Variants in SYNPR observed in about 807,000 individuals in gnomAD.
SYNPR encodes the protein synaptoporin.
In SYNPR, 23 loss-of-function variants were observed where a neutral mutation model predicts 32.9. The ratio of observed to expected loss-of-function variants is 0.70; its 90% CI spans 0.50 to 0.99. SYNPR has a LOEUF of 0.99. Among genes scored for constraint, SYNPR ranks in the 50% least tolerant of loss-of-function variants. The pLI, the probability that SYNPR is intolerant of heterozygous loss-of-function variation, is 0.00. For missense variants in SYNPR, 318 were observed against 349.3 expected (o/e 0.91, Z 0.71); for synonymous variants, 146 against 135.9 (o/e 1.07, Z -0.52).
intron 2 of SYNPR, among the ~76,000 whole-genome samples, chr3:63,417,479 C>A (rs1035078459): frequency 6.6e-6 from 1 of 152,232 alleles, no homozygotes; most frequent in Non-Finnish European, 1.5e-5. Flanking sequence ...AAGGCAGTGG[C>A]CCTCTTCTCA....
intron 2 of SYNPR, among the ~76,000 whole-genome samples, chr3:63,444,953 G>GA (rs34476623): frequency 0.33 from 47,844 of 143,616 alleles, 8,618 homozygotes; most frequent in Non-Finnish European, 0.41. Flanking sequence ...TAATTTGTTG[G>GA]AAAAAAAACA....
chr3:63,331,503 A>G (rs1407940908), intron 2 of SYNPR, among the ~76,000 whole-genome samples: 5 of 152,178 alleles, frequency 3.3e-5, no homozygotes, highest in Non-Finnish European at 5.9e-5. Context: ...AAGGAAGAGT[A>G]GTAATATACC....
chr3:63,489,992 A>G lies in SYNPR; in HGVS notation c.209+9036A>G, dbSNP rs191740664. On this transcript the variant is annotated intron_variant, in intron 3 of 5. Coordinates refer to ENST00000478300, the MANE Select transcript of SYNPR (RefSeq NM_001130003.2). ...AAAGAGGCAGGGATGCAATCCCAGT[A>G]GGTATCAGGTAATGGTAAAAGTCTT... 3.0e-3 allele frequency among the ~76,000 whole-genome samples: 451 copies of G among 152,304 alleles called. 5 individuals are homozygous for G. The highest frequency in any genetic ancestry group is 0.017 in the Middle Eastern group (5 of 294).
intron 2 of SYNPR, among the ~76,000 whole-genome samples, chr3:63,266,761 G>T (rs944327034): frequency 6.6e-6 from 1 of 150,954 alleles, no homozygotes. Context: ...TGTAGCATCC[G>T]CATGTGTCTC....
intron 2 of SYNPR, among the ~76,000 whole-genome samples, chr3:63,322,819 A>T (rs1309894547): frequency 6.6e-6 from 1 of 152,112 alleles, no homozygotes; most frequent in Non-Finnish European, 1.5e-5. Context: ...GTAAGTTCTT[A>T]TGTAAGACCC....
chr3:63,404,407 T>C (rs982369283), intron 2 of SYNPR, among the ~76,000 whole-genome samples: 2 of 152,182 alleles, frequency 1.3e-5, no homozygotes, highest in African/African-American at 4.8e-5. Context: ...ATGTAGTATA[T>C]ATGAAGGAAA....
chr3:63,268,554 A>G (rs531357569), intron 3 of SYNPR, among the ~76,000 whole-genome samples: 3 of 152,358 alleles, frequency 2.0e-5, no homozygotes, highest in East Asian at 3.9e-4. Flanking sequence ...AGCTAGAGAA[A>G]GGAAAATATT....
intron 1 of SYNPR, among the ~76,000 whole-genome samples, chr3:63,234,449 T>C (rs996801424): frequency 6.6e-6 from 1 of 152,110 alleles, no homozygotes; most frequent in Non-Finnish European, 1.5e-5. Context: ...TATAACTACA[T>C]AGCAGGCACA....
At chr3:63,576,993 T>A (rs1353835468) in intron 4 of SYNPR, among the ~76,000 whole-genome samples, 2 of 151,882 alleles carry the variant, frequency 1.3e-5, no homozygotes, top group Non-Finnish European at 2.9e-5. Context: ...GCTGAACCAG[T>A]TTTTAATCTC....
chr3:63,249,955 T>G (rs1265852491), intron 1 of SYNPR, among the ~76,000 whole-genome samples: 1 of 152,020 alleles, frequency 6.6e-6, no homozygotes, highest in Non-Finnish European at 1.5e-5. Flanking sequence ...AAGAAAATAT[T>G]TGGAAGCTTG....
At chr3:63,488,126 A>T (rs1701189777) in intron 3 of SYNPR, among the ~76,000 whole-genome samples, 1 of 152,174 alleles carries the variant, frequency 6.6e-6, no homozygotes, top group Non-Finnish European at 1.5e-5. Context: ...GTGATGAGAA[A>T]CATTTTTTAT....
chr3:63,220,851 G>T, the SYNPR span, among the ~76,000 whole-genome samples: 1 of 152,144 alleles, frequency 6.6e-6, no homozygotes, highest in African/African-American at 2.4e-5. Context: ...CCTAGAGCTG[G>T]TTGCTGTTCC....
intron 2 of SYNPR, among the ~76,000 whole-genome samples, chr3:63,352,384 G>A (rs2087521796): frequency 6.6e-6 from 1 of 152,154 alleles, no homozygotes; most frequent in Non-Finnish European, 1.5e-5. Context: ...GGCCTATAGT[G>A]AGGACTGTGG....
chr3:63,392,526 G>T (rs904432058), intron 2 of SYNPR, among the ~76,000 whole-genome samples: 4 of 152,146 alleles, frequency 2.6e-5, no homozygotes, highest in South Asian at 2.1e-4. Flanking sequence ...TCATAAGGCT[G>T]CTGTGAGAAT....
chr3:63,569,723 T>C (rs4130622), intron 4 of SYNPR, among the ~76,000 whole-genome samples: 12,988 of 152,304 alleles, frequency 0.085, 683 homozygotes, highest in Non-Finnish European at 0.12. Context: ...TCCTTTCTCA[T>C]TGAGACTCAA....
chr3:63,499,376 A>G (rs1289778505), intron 3 of SYNPR, among the ~76,000 whole-genome samples: 1 of 152,140 alleles, frequency 6.6e-6, no homozygotes, highest in East Asian at 1.9e-4. Flanking sequence ...TTCTTAATAA[A>G]TGAGGAAATG....
At chr3:63,558,036 G>A (rs1702622959) in intron 4 of SYNPR, among the ~76,000 whole-genome samples, 1 of 152,208 alleles carries the variant, frequency 6.6e-6, no homozygotes, top group Non-Finnish European at 1.5e-5. Context: ...TCATAAGACT[G>A]TATTAGTTCT....
Position 63,402,742 on chromosome 3 carries a change from G to A in SYNPR, c.85-78090G>A, listed in dbSNP as rs115240022. On this transcript the variant is annotated intron_variant, in intron 2 of 5. Transcript: ENST00000478300. Reference sequence around the variant, plus strand: ...GTTCCCTCTGCCTGGAACTCTTTTCGTTTACTGCTATATCCCCAGTTCCTG... The same window carrying A: ...GTTCCCTCTGCCTGGAACTCTTTTCATTTACTGCTATATCCCCAGTTCCTG... Among the ~76,000 whole-genome samples the A allele has an allele frequency of 7.1e-3, 1,076 of 152,274 alleles. 13 individuals carry two copies. Among genetic ancestry groups the A allele is most frequent in the African/African-American group, 0.025 (1,025 of 41,552 alleles).
chr3:63,513,373 T>C lies in SYNPR; in HGVS notation c.209+32417T>C, dbSNP rs78178722. Among the ~76,000 whole-genome samples, 1,261 of 152,160 alleles carry C rather than the reference T, an allele frequency of 8.3e-3. 8 individuals carry two copies. Among genetic ancestry groups the C allele is most frequent in the Non-Finnish European group, 0.011 (769 of 67,980 alleles). On this transcript the variant is annotated intron_variant, in intron 3 of 5. Transcript: ENST00000478300. ...GTTTGTTTTAAAATGAATTTGTAAC[T>C]TATATTTTGTTCTGTGACTTGCTTA...
Sources: allele counts gnomAD v4.1 joint callset (sites outside exome capture counted in the v4.1 genomes callset), GRCh38; gene constraint gnomAD v4.1.1; transcripts MANE v1.5; gene names NCBI Gene and HGNC (gene_info 2026-07-23, HGNC 2026-07-21).